AGAP1: variants seen among roughly 807,000 people sequenced by gnomAD.
The protein encoded by AGAP1 is arf-GAP with GTPase, ANK repeat and PH domain-containing protein 1.
AGAP1 carries 29 observed loss-of-function variants against 105.3 expected under a neutral mutation model. The observed-to-expected ratio is 0.28, with a 90% CI of 0.21 to 0.38. AGAP1 has a LOEUF of 0.38. AGAP1 is among the 10% of genes least tolerant of loss of function. The probability of loss-of-function intolerance (pLI) is 1.00; values close to 1 mark genes in which losing one functional copy is unlikely to be tolerated. For synonymous variants in AGAP1, 509 were observed against 485.9 expected, an observed-to-expected ratio of 1.05 and a Z score of -0.63; for missense variants, 998 against 1,165.1, an observed-to-expected ratio of 0.86 and a Z score of 2.09.
In AGAP1 at chr2:235,867,572, T is replaced by TGTGTGTGTGTGTGTGTGC. The variant is rs375110513; in HGVS notation, c.1051-15770_1051-15769insTGTGTGTGTGTGTGCGTG. ...GTGTGTGTGTGTGTGTGTGTGTGTGTGTGCAAGTGAGGGAGGGTGACCCCC... is the reference window on the plus strand; with the variant it reads ...GTGTGTGTGTGTGTGTGTGTGTGTGTGTGTGTGTGTGTGTGTGCGTGCAAGTGAGGGAGGGTGACCCCC... On this transcript the variant is annotated intron_variant, in intron 9 of 17. Transcript: ENST00000304032. The surrounding 1 kb of genome is among the most constrained non-coding windows in gnomAD (Gnocchi z 5.4). 2.1e-3 allele frequency among the ~76,000 whole-genome samples: 306 copies of TGTGTGTGTGTGTGTGTGC among 148,472 alleles called. 4 individuals are homozygous for TGTGTGTGTGTGTGTGTGC. Among genetic ancestry groups the TGTGTGTGTGTGTGTGTGC allele is most frequent in the Middle Eastern group, 0.01 (3 of 292 alleles).
chr2:235,937,861 GC>G (rs2053065850), intron 12 of AGAP1, among the ~76,000 whole-genome samples: 2 of 152,348 alleles, frequency 1.3e-5, no homozygotes, highest in East Asian at 3.9e-4. Flanking sequence ...GAGTTATTCA[GC>G]CCAAAACACC....
In AGAP1 at chr2:236,123,828, A is replaced by G; in HGVS notation, c.2371-91A>G. 1 of 1,506,008 alleles carries G rather than the reference A, an allele frequency of 6.6e-7. No homozygotes were observed. The highest frequency in any genetic ancestry group is 9.1e-7 in the Non-Finnish European group (1 of 1,102,810). 93.3% of individuals were successfully genotyped at this position (1,506,008 alleles called of 1,614,324 possible). ...TAGCTGGCCCCGCTGTCCAAGCACAAGCCACATGCAAGGGCTGAGAGAAAG... is the reference window on the plus strand; with the variant it reads ...TAGCTGGCCCCGCTGTCCAAGCACAGGCCACATGCAAGGGCTGAGAGAAAG... On this transcript the variant is annotated intron_variant, in intron 17 of 17. Transcript: ENST00000304032. This position sits in a 1 kb window ranked among gnomAD's most constrained non-coding sequence, Gnocchi z 4.6.
chr2:235,785,123 C>G (rs1328271902), intron 6 of AGAP1, among the ~76,000 whole-genome samples: 1 of 152,192 alleles, frequency 6.6e-6, no homozygotes, highest in Non-Finnish European at 1.5e-5. Context: ...TCTTCTCTCC[C>G]CCACTTTAAG....
intron 1 of AGAP1, among the ~76,000 whole-genome samples, chr2:235,681,299 A>G (rs979149626): frequency 1.3e-5 from 2 of 152,004 alleles, no homozygotes; most frequent in Non-Finnish European, 1.5e-5. Flanking sequence ...GTGAGCCACC[A>G]TGCCCGGCAA....
At chr2:235,731,780 A>G (rs185719745) in intron 3 of AGAP1, among the ~76,000 whole-genome samples, 4 of 152,316 alleles carry the variant, frequency 2.6e-5, no homozygotes, top group East Asian at 3.9e-4. Context: ...GAGGCCACAA[A>G]AGCTATTCAG....
At chr2:236,108,972 C>T (rs917510964) in intron 16 of AGAP1, among the ~76,000 whole-genome samples, 2 of 152,174 alleles carry the variant, frequency 1.3e-5, no homozygotes, top group South Asian at 2.1e-4. Flanking sequence ...AACCTTATTA[C>T]CCCTTGACAA....
Position 235,717,668 on chromosome 2 carries a change from C to T in AGAP1, c.310+24C>T, listed in dbSNP as rs376569637. The stretch of plus-strand genomic sequence containing the variant: ...AGGTATGCTGTTTGGCAGGCAGTTG[C>T]AAACTTAAGAATGTAGTTTTTTAAA... On this transcript the variant is annotated intron_variant, in intron 3 of 17. Transcript: ENST00000304032. 4.4e-6 allele frequency: 7 copies of T among 1,580,578 alleles called. No individual in the cohort carries two copies. In the African/African-American group the frequency reaches 8.2e-5, roughly 18 times the overall value.
chr2:236,102,081 T>TCTGA (rs2059360921), intron 16 of AGAP1, among the ~76,000 whole-genome samples: 1 of 151,468 alleles, frequency 6.6e-6, no homozygotes, highest in Non-Finnish European at 1.5e-5. Flanking sequence ...CAGGATTTCG[T>TCTGA]GACTAGCCTG....
chr2:235,807,388 C>T, intron 9 of AGAP1, 57 bp downstream of exon 9: 1 of 1,485,578 alleles, frequency 6.7e-7, no homozygotes, highest in Non-Finnish European at 9.1e-7. Flanking sequence ...TCAGGTCTTC[C>T]TGGAGATGAT....
chr2:235,956,381 C>T (rs2053951330), intron 12 of AGAP1, among the ~76,000 whole-genome samples: 1 of 152,168 alleles, frequency 6.6e-6, no homozygotes. Flanking sequence ...ATTGCATTCC[C>T]AAGCATGCTC....
intron 13 of AGAP1, among the ~76,000 whole-genome samples, chr2:236,034,289 A>G (rs2057313565): frequency 6.8e-6 from 1 of 147,342 alleles, no homozygotes. Context: ...TGTGAAAGTT[A>G]CAGTTACAAT....
Position 235,750,435 on chromosome 2 carries a change from A to G in AGAP1, c.620A>G (p.Tyr207Cys). The change falls in exon 6 of 18, where the codon TAC becomes TGC. Residue 207 changes from tyrosine (Y) to cysteine (C), a missense_variant. Coordinates refer to ENST00000304032, the MANE Select transcript of AGAP1 (RefSeq NM_001037131.3). The surrounding 1 kb of genome is among the most constrained non-coding windows in gnomAD (Gnocchi z 5.3). ...KLSNDLKRCTYYETCATYGLN... is the reference protein window; with the variant it reads ...KLSNDLKRCTCYETCATYGLN... ...TCCAACGACCTGAAACGGTGCACGT[A>G]CTACGAGACGTGTGCTACATACGGG... The G allele has an allele frequency of 6.2e-7, 1 of 1,614,220 alleles. No homozygotes were observed. Among genetic ancestry groups the G allele is most frequent in the Non-Finnish European group, 8.5e-7 (1 of 1,180,034 alleles).
rs976524311 is a variant in AGAP1 at position 235,659,158 on chromosome 2, C to G, written c.164-50021C>G. On this transcript the variant is annotated intron_variant, in intron 1 of 17. Coordinates refer to ENST00000304032, the MANE Select transcript of AGAP1 (RefSeq NM_001037131.3). The surrounding 1 kb of genome is among the most constrained non-coding windows in gnomAD (Gnocchi z 5.0). ...ATTCCCACACCCTGCCGAGTTTGTG[C>G]GTTTCTGTGAATCTGATGAGTGGGT... Among the ~76,000 whole-genome samples, 1 of 152,344 alleles carries G rather than the reference C, an allele frequency of 6.6e-6. No individual in the cohort carries two copies. Among genetic ancestry groups the G allele is most frequent in the East Asian group, 1.9e-4 (1 of 5,176 alleles).
intron 1 of AGAP1, among the ~76,000 whole-genome samples, chr2:235,572,710 C>G (rs1416578345): frequency 2.0e-5 from 3 of 152,224 alleles, no homozygotes; most frequent in East Asian, 3.9e-4. Context: ...ATTTGGAATG[C>G]CACAGCAGCT....
chr2:235,512,962 C>T (rs1157785661), intron 1 of AGAP1, among the ~76,000 whole-genome samples: 2 of 152,242 alleles, frequency 1.3e-5, no homozygotes, highest in Non-Finnish European at 2.9e-5. Context: ...ACTTGAGATT[C>T]CTCTGGCAGC....
In AGAP1 at chr2:235,601,062, ACCT is replaced by A. The variant is rs1341972853; in HGVS notation, c.163+106214_163+106216del. 6.6e-6 allele frequency among the ~76,000 whole-genome samples: 1 copy of A among 152,162 alleles called. No individual in the cohort carries two copies. The highest frequency in any genetic ancestry group is 1.5e-5 in the Non-Finnish European group (1 of 68,024). On this transcript the variant is annotated intron_variant, in intron 1 of 17. Transcript: ENST00000304032. The surrounding 1 kb of genome is among the most constrained non-coding windows in gnomAD (Gnocchi z 4.4). ...AGCTGGGAAACGCCACTGCCACAGT[ACCT>A]GCAGGGTCCAGCCAGCTCCCCACCT...
At position 235,535,197 on chromosome 2, in the gene AGAP1, C is replaced by T. The variant is rs1268990679; in HGVS notation, c.163+40348C>T. Reference sequence around the variant, plus strand: ...CGGGCCACCCGCACCAGGTTGCCTCCCATCGTTTGCAGGAGCGGAAGACCC... The same window carrying T: ...CGGGCCACCCGCACCAGGTTGCCTCTCATCGTTTGCAGGAGCGGAAGACCC... On this transcript the variant is annotated intron_variant, in intron 1 of 17. Transcript: ENST00000304032. The surrounding 1 kb of genome is among the most constrained non-coding windows in gnomAD (Gnocchi z 5.1). Among the ~76,000 whole-genome samples, 1 of 152,062 alleles carries T rather than the reference C, an allele frequency of 6.6e-6. No individual in the cohort carries two copies. The highest frequency in any genetic ancestry group is 1.9e-4 in the East Asian group (1 of 5,148).
chr2:235,678,931 T>C (rs1948911055), intron 1 of AGAP1, among the ~76,000 whole-genome samples: 1 of 152,216 alleles, frequency 6.6e-6, no homozygotes, highest in Non-Finnish European at 1.5e-5. Context: ...CGATGCCATT[T>C]GTCTTCTGGG....
Position 235,600,578 on chromosome 2 carries a change from C to T in AGAP1, c.163+105729C>T, listed in dbSNP as rs550571511. On this transcript the variant is annotated intron_variant, in intron 1 of 17. Transcript: ENST00000304032. The surrounding 1 kb of genome is among the most constrained non-coding windows in gnomAD (Gnocchi z 4.8). ...ACAAGGTCCCACAATAGGCTGGCTG[C>T]AAGCTGAGGAGCAAGGAAGCCAGTC... Among the ~76,000 whole-genome samples, 15 of 152,188 alleles carry T rather than the reference C, an allele frequency of 9.9e-5. No individual in the cohort carries two copies. The highest frequency in any genetic ancestry group is 6.5e-5 in the Admixed American group (1 of 15,288).
Sources: gnomAD v4.1 joint callset for allele counts (sites outside exome capture counted in the v4.1 genomes callset) on GRCh38, gnomAD v4.1.1 for gene constraint, Gnocchi (gnomAD v3.1) non-coding constraint, MANE v1.5 for transcripts, NCBI Gene and HGNC (gene_info 2026-07-23, HGNC 2026-07-21) for gene names.